The following NXPH1 variants were observed in gnomAD, a reference collection of about 807,000 sequenced individuals.
NXPH1 encodes the protein neurexophilin-1.
A neutral mutation model predicts 23.7 loss-of-function variants in NXPH1; 5 were observed. That is an observed-to-expected ratio of 0.21 (90% CI 0.11 to 0.44). The LOEUF is 0.44. Ranked by LOEUF, NXPH1 falls within the 20% of genes least tolerant of loss-of-function variation. The probability of loss-of-function intolerance (pLI) is 0.99; values close to 1 mark genes in which losing one functional copy is unlikely to be tolerated. For synonymous variants in NXPH1, 144 were observed against 122.2 expected, an observed-to-expected ratio of 1.18 and a Z score of -1.18; for missense variants, 324 against 321.6, an observed-to-expected ratio of 1.01 and a Z score of -0.06.
chr7:8,473,964 A>G (rs1212529993), intron 2 of NXPH1, among the ~76,000 whole-genome samples: 1 of 152,146 alleles, frequency 6.6e-6, no homozygotes, highest in Non-Finnish European at 1.5e-5. Flanking sequence ...CAAATTACCC[A>G]GGAGCTTGAT....
At chr7:8,692,869 A>C (rs2115184463) in intron 2 of NXPH1, among the ~76,000 whole-genome samples, 1 of 152,302 alleles carries the variant, frequency 6.6e-6, no homozygotes, top group African/African-American at 2.4e-5. Flanking sequence ...TGCTGAATGA[A>C]TGTGACAAGG....
At chr7:8,476,935 CCTTATA>C (rs1175646801) in intron 2 of NXPH1, among the ~76,000 whole-genome samples, 1 of 152,084 alleles carries the variant, frequency 6.6e-6, no homozygotes, top group Non-Finnish European at 1.5e-5. Flanking sequence ...GTACCTATTT[CCTTATA>C]CTTGCCTTCA....
At chr7:8,585,523 C>T (rs772924912) in intron 2 of NXPH1, among the ~76,000 whole-genome samples, 2 of 152,136 alleles carry the variant, frequency 1.3e-5, no homozygotes, top group African/African-American at 2.4e-5. Context: ...TAGAAAGAGT[C>T]GTAGGGACAG....
chr7:8,737,383 A>G (rs868418510), intron 2 of NXPH1, among the ~76,000 whole-genome samples: 2 of 152,162 alleles, frequency 1.3e-5, no homozygotes, highest in Middle Eastern at 3.4e-3. Flanking sequence ...TTTCTTCTTC[A>G]CTTATGAAGC....
chr7:8,713,470 A>T (rs1779827392), intron 2 of NXPH1, among the ~76,000 whole-genome samples: 1 of 150,048 alleles, frequency 6.7e-6, no homozygotes. Flanking sequence ...TTGTTTGGTG[A>T]CATCATGTTT....
chr7:8,575,978 A>T (rs1404112351), intron 2 of NXPH1, among the ~76,000 whole-genome samples: 2 of 152,180 alleles, frequency 1.3e-5, no homozygotes, highest in African/African-American at 4.8e-5. Flanking sequence ...TTTCAAGATT[A>T]TTAGAGAGAT....
chr7:8,519,776 T>C (rs1817740538), intron 2 of NXPH1, among the ~76,000 whole-genome samples: 1 of 152,210 alleles, frequency 6.6e-6, no homozygotes, highest in African/African-American at 2.4e-5. Context: ...AACAAAAGCT[T>C]ATTGAATTCA....
intron 2 of NXPH1, among the ~76,000 whole-genome samples, chr7:8,607,544 G>T (rs1453846418): frequency 1.3e-5 from 2 of 152,116 alleles, no homozygotes; most frequent in African/African-American, 4.8e-5. Context: ...TAGAAGAACT[G>T]CCTAAGAAGA....
chr7:8,559,596 A>G (rs545811393), intron 2 of NXPH1, among the ~76,000 whole-genome samples: 3 of 151,846 alleles, frequency 2.0e-5, no homozygotes, highest in African/African-American at 7.2e-5. Flanking sequence ...GCGCTAAGTT[A>G]ACAGGTACAT....
chr7:8,613,918 C>T (rs1819674684), intron 2 of NXPH1, among the ~76,000 whole-genome samples: 1 of 151,666 alleles, frequency 6.6e-6, no homozygotes, highest in Non-Finnish European at 1.5e-5. Flanking sequence ...ATATATAATT[C>T]ATAAAATTAT....
intron 2 of NXPH1, among the ~76,000 whole-genome samples, chr7:8,570,796 G>A (rs1818628431): frequency 6.6e-6 from 1 of 151,778 alleles, no homozygotes; most frequent in Admixed American, 6.6e-5. Flanking sequence ...GAATGGAAAG[G>A]AACAGGGCAT....
At chr7:8,609,668 AT>A (rs1819574669) in intron 2 of NXPH1, among the ~76,000 whole-genome samples, 1 of 152,134 alleles carries the variant, frequency 6.6e-6, no homozygotes, top group African/African-American at 2.4e-5. Flanking sequence ...GATGTCCTCC[AT>A]TGTGTTGTAG....
At chr7:8,516,632 TGGG>T (rs1817692028) in intron 2 of NXPH1, among the ~76,000 whole-genome samples, 1 of 152,120 alleles carries the variant, frequency 6.6e-6, no homozygotes, top group South Asian at 2.1e-4. Flanking sequence ...AACAGCAGAA[TGGG>T]GGAATTGCTT....
At chr7:8,603,052 C>G (rs891738147) in intron 2 of NXPH1, among the ~76,000 whole-genome samples, 2 of 152,176 alleles carry the variant, frequency 1.3e-5, no homozygotes, top group Non-Finnish European at 2.9e-5. Flanking sequence ...CTCAGGTGAT[C>G]TGCCTGCCTG....
intron 2 of NXPH1, among the ~76,000 whole-genome samples, chr7:8,541,458 A>G (rs1302284002): frequency 6.6e-6 from 1 of 151,652 alleles, no homozygotes; most frequent in Admixed American, 6.6e-5. Flanking sequence ...ATTTTGATAA[A>G]GTTATAAATC....
chr7:8,631,514 A>T (rs759878374), intron 2 of NXPH1, among the ~76,000 whole-genome samples: 16 of 152,182 alleles, frequency 1.1e-4, no homozygotes, highest in Non-Finnish European at 2.1e-4. Context: ...AATTTTTTGT[A>T]AACTATGCAT....
intron 2 of NXPH1, among the ~76,000 whole-genome samples, chr7:8,591,570 T>G (rs1359638303): frequency 6.6e-6 from 1 of 152,090 alleles, no homozygotes; most frequent in Non-Finnish European, 1.5e-5. Context: ...ATGAACATTC[T>G]TCTTCTCCCT....
chr7:8,533,909 A>T (rs928016814), intron 2 of NXPH1, among the ~76,000 whole-genome samples: 3 of 152,104 alleles, frequency 2.0e-5, no homozygotes, highest in Non-Finnish European at 2.9e-5. Context: ...TGTTAGAAGT[A>T]TGCCTCAGTT....
chr7:8,703,479 T>C (rs1272464378), intron 2 of NXPH1, among the ~76,000 whole-genome samples: 1 of 152,082 alleles, frequency 6.6e-6, no homozygotes, highest in Non-Finnish European at 1.5e-5. Context: ...TCACAGAAAA[T>C]ATACTCTGGG....
Sources: gnomAD v4.1 joint callset for allele counts (sites outside exome capture counted in the v4.1 genomes callset) on GRCh38, gnomAD v4.1.1 for gene constraint, MANE v1.5 for transcripts, NCBI Gene and HGNC (gene_info 2026-07-23, HGNC 2026-07-21) for gene names.